PPFIA2: variants seen among roughly 807,000 people sequenced by gnomAD.
The protein encoded by PPFIA2 is liprin-alpha-2.
PPFIA2 carries 46 observed loss-of-function variants against 175.5 expected under a neutral mutation model. That is an observed-to-expected ratio of 0.26 (90% CI 0.21 to 0.34). PPFIA2 has a LOEUF of 0.34. Ranked by LOEUF, PPFIA2 falls within the 10% of genes least tolerant of loss-of-function variation. PPFIA2 has a pLI of 1.00. For missense variants in PPFIA2, 1,179 were observed against 1,506.1 expected (o/e 0.78, Z 3.60); for synonymous variants, 568 against 511.4 (o/e 1.11, Z -1.49).
In PPFIA2 at chr12:81,746,369, G is replaced by A. The variant is rs1444944581; in HGVS notation, c.249+7604C>T. Among the ~76,000 whole-genome samples the A allele has an allele frequency of 1.4e-5, 2 of 143,840 alleles. 1 individual carries two copies. Among genetic ancestry groups the A allele is most frequent in the African/African-American group, 4.9e-5 (2 of 41,136 alleles). The allele number at this position is 143,840 out of a possible 152,430, so 94.4% of individuals were successfully genotyped here. ...TCATTTATCCATTTTTTTTGGAGAA[G>A]CGCAGTGTCAAATAAAACAAACCTA... On this transcript the variant is annotated intron_variant, in intron 3 of 32. Transcript: ENST00000549396.
chr12:81,642,980 A>ATC (rs56088317), intron 4 of PPFIA2, among the ~76,000 whole-genome samples: 124,513 of 144,966 alleles, frequency 0.86, 53,671 homozygotes, highest in African/African-American at 0.92. Flanking sequence ...TAAATTATAT[A>ATC]TCTCTTATGT....
intron 4 of PPFIA2, among the ~76,000 whole-genome samples, chr12:81,464,627 A>G (rs1237170874): frequency 6.6e-6 from 1 of 152,130 alleles, no homozygotes; most frequent in Non-Finnish European, 1.5e-5. Context: ...TGTTATTTCC[A>G]AAGTGAAAAA....
intron 4 of PPFIA2, among the ~76,000 whole-genome samples, chr12:81,581,048 G>A (rs1310220032): frequency 1.3e-5 from 2 of 151,210 alleles, no homozygotes; most frequent in Non-Finnish European, 2.9e-5. Context: ...GGACTCTGAA[G>A]AAACAGTGAG....
In PPFIA2 at chr12:81,389,134, T is replaced by C. The variant is rs528739896; in HGVS notation, c.763-4890A>G. Among the ~76,000 whole-genome samples, 5 of 148,238 alleles carry C rather than the reference T, an allele frequency of 3.4e-5. No homozygotes were observed. The South Asian group carries it at 1.0e-3, about 31-fold the overall frequency. ...AATTTTATTCAATATTTTATATATA[T>C]ATATATATATACACACACACATATA... On this transcript the variant is annotated intron_variant, in intron 8 of 32. Coordinates refer to ENST00000549396, the MANE Select transcript of PPFIA2 (RefSeq NM_003625.5).
chr12:81,654,061 A>G (rs2153536440), intron 4 of PPFIA2, among the ~76,000 whole-genome samples: 1 of 152,182 alleles, frequency 6.6e-6, no homozygotes, highest in Admixed American at 6.5e-5. Flanking sequence ...AAAAAAAGCC[A>G]GTAAACAACT....
rs71098139 is a variant in PPFIA2, at chr12:81,380,962, CTGTGTGTGTG to C, written c.984+3051_984+3060del. 6.2e-3 allele frequency among the ~76,000 whole-genome samples: 849 copies of C among 137,532 alleles called. 8 individuals are homozygous for C. The highest frequency in any genetic ancestry group is 0.059 in the East Asian group (271 of 4,602). 90.2% of individuals were successfully genotyped at this position (137,532 alleles called of 152,430 possible). On this transcript the variant is annotated intron_variant, in intron 9 of 32. Coordinates refer to ENST00000549396, the MANE Select transcript of PPFIA2 (RefSeq NM_003625.5). ...ATTCGTTTATTTAGCTTTCACAGTG[CTGTGTGTGTG>C]TGTGTGTGTGTGTGTGTGTGTGTGT...
At chr12:81,710,589 AG>A (rs1281424273) in intron 3 of PPFIA2, among the ~76,000 whole-genome samples, 1 of 152,056 alleles carries the variant, frequency 6.6e-6, no homozygotes, top group East Asian at 1.9e-4. Context: ...AGTATTTTTT[AG>A]GATTTTGGAA....
intron 3 of PPFIA2, among the ~76,000 whole-genome samples, chr12:81,679,659 T>A (rs1567837330): frequency 6.6e-6 from 1 of 151,970 alleles, no homozygotes; most frequent in Non-Finnish European, 1.5e-5. Flanking sequence ...TATACAGATG[T>A]ATATTCTTAT....
chr12:81,596,358 A>C (rs544222677), intron 4 of PPFIA2, among the ~76,000 whole-genome samples: 52 of 152,240 alleles, frequency 3.4e-4, no homozygotes, highest in African/African-American at 1.2e-3. Context: ...ACTTAAACAC[A>C]TATTGTCTGT....
At chr12:81,730,896 T>C (rs2080804009) in intron 3 of PPFIA2, among the ~76,000 whole-genome samples, 1 of 148,236 alleles carries the variant, frequency 6.7e-6, no homozygotes, top group Admixed American at 6.7e-5. Flanking sequence ...GAGTTCTTGT[T>C]ATGACAAAAA....
At chr12:81,556,477 T>C (rs1312559241) in intron 4 of PPFIA2, among the ~76,000 whole-genome samples, 2 of 151,878 alleles carry the variant, frequency 1.3e-5, no homozygotes, top group Non-Finnish European at 2.9e-5. Flanking sequence ...AACTCTGAAC[T>C]GTTTTCCACA....
intron 8 of PPFIA2, among the ~76,000 whole-genome samples, chr12:81,389,506 A>T (rs1277745459): frequency 6.6e-6 from 1 of 151,608 alleles, no homozygotes. Flanking sequence ...AGATTTTAAA[A>T]CTCTCAATTT....
At chr12:81,729,127 A>G (rs2080488013) in intron 3 of PPFIA2, among the ~76,000 whole-genome samples, 1 of 151,570 alleles carries the variant, frequency 6.6e-6, no homozygotes, top group South Asian at 2.1e-4. Context: ...AATAAGTATT[A>G]CAATAAAAAA....
At chr12:81,567,695 C>A (rs146781543) in intron 4 of PPFIA2, among the ~76,000 whole-genome samples, 3 of 152,314 alleles carry the variant, frequency 2.0e-5, no homozygotes, top group African/African-American at 4.8e-5. Flanking sequence ...GAGTGTGATA[C>A]ATCCTGATAA....
At chr12:81,618,144 G>A (rs1244962912) in intron 4 of PPFIA2, among the ~76,000 whole-genome samples, 1 of 152,114 alleles carries the variant, frequency 6.6e-6, no homozygotes, top group Non-Finnish European at 1.5e-5. Flanking sequence ...ACACTTCTGA[G>A]AGGCCCAGTC....
At chr12:81,458,423 G>A (rs1037380239) in intron 4 of PPFIA2, among the ~76,000 whole-genome samples, 39 of 151,182 alleles carry the variant, frequency 2.6e-4, no homozygotes, top group African/African-American at 7.3e-4. Context: ...ATTAATTTGC[G>A]TATTGCTCAG....
chr12:81,437,314 C>T (rs2049250204), intron 7 of PPFIA2, among the ~76,000 whole-genome samples: 1 of 152,186 alleles, frequency 6.6e-6, no homozygotes, highest in Non-Finnish European at 1.5e-5. Context: ...ACTGCAAGCT[C>T]TGCCTCCAGG....
At chr12:81,464,268 C>A (rs989622902) in intron 4 of PPFIA2, among the ~76,000 whole-genome samples, 2 of 152,050 alleles carry the variant, frequency 1.3e-5, no homozygotes, top group Non-Finnish European at 2.9e-5. Context: ...ATGCTGGGTA[C>A]ATTGTTATGA....
chr12:81,452,105 G>GACAC (rs139654018), intron 5 of PPFIA2, among the ~76,000 whole-genome samples: 1 of 150,810 alleles, frequency 6.6e-6, no homozygotes, highest in Admixed American at 6.6e-5. Context: ...TTCACACACA[G>GACAC]ACACACACAC....
Sources: gnomAD v4.1 joint callset for allele counts (sites outside exome capture counted in the v4.1 genomes callset) on GRCh38, gnomAD v4.1.1 for gene constraint, MANE v1.5 for transcripts, NCBI Gene and HGNC (gene_info 2026-07-23, HGNC 2026-07-21) for gene names.